Variants in PLEKHH1 observed in about 807,000 individuals in gnomAD.
PLEKHH1 encodes the protein pleckstrin homology domain-containing family H member 1.
A neutral mutation model predicts 160.0 loss-of-function variants in PLEKHH1; 104 were observed. That is an observed-to-expected ratio of 0.65 (90% confidence interval 0.55 to 0.76). The LOEUF (loss-of-function observed/expected upper bound fraction) is 0.76. Among genes scored for constraint, PLEKHH1 ranks in the 30% least tolerant of loss-of-function variants. PLEKHH1 has a pLI of 0.00. For missense variants in PLEKHH1, 1,427 were observed against 1,724.1 expected (o/e 0.83, Z 3.05); for synonymous variants, 619 against 678.4 (o/e 0.91, Z 1.36).
chr14:67,569,728 T>C (rs2273595), intron 8 of PLEKHH1, 193 bp from the exon 9 acceptor site: 228,029 of 600,562 alleles, frequency 0.38, 45,923 homozygotes, highest in Non-Finnish European at 0.42. Flanking sequence ...TTGTGAGGGA[T>C]CCTTTACCAC....
intron 5 of PLEKHH1, 29 bp from the exon 6 acceptor site, chr14:67,561,925 C>T (rs1322186304): frequency 6.5e-7 from 1 of 1,541,576 alleles, no homozygotes. Flanking sequence ...GGCTGGGTGT[C>T]CTAAATCTTC....
chr14:67,542,985 A>G (rs754679419), intron 2 of PLEKHH1, among the ~76,000 whole-genome samples: 5 of 152,220 alleles, frequency 3.3e-5, no homozygotes, highest in Admixed American at 6.5e-5. Flanking sequence ...TGCTGGGATT[A>G]CAGACATGAG....
At chr14:67,560,316 C>T (rs61988249) in intron 5 of PLEKHH1, among the ~76,000 whole-genome samples, 1,659 of 152,258 alleles carry the variant, frequency 0.011, 14 homozygotes, top group Non-Finnish European at 0.015. Context: ...AGGGAACCAC[C>T]GTGCCCTGCT....
chr14:67,585,681 G>A, intron 27 of PLEKHH1, 27 bp downstream of exon 27: 2 of 1,440,976 alleles, frequency 1.4e-6, no homozygotes, highest in Non-Finnish European at 1.9e-6. Context: ...GCTGCTCCCT[G>A]ACCCCTCCTC....
chr14:67,562,189 A>G lies in PLEKHH1; in HGVS notation c.558A>G (p.Ala186=). Reference sequence around the variant, plus strand: ...TGCTGGTGCCCCCCTACGGAGCTGCAGAGCAGGATTCTGTCCCTTCAGAGC... The same window carrying G: ...TGCTGGTGCCCCCCTACGGAGCTGCGGAGCAGGATTCTGTCCCTTCAGAGC... ...RKLLVPPYGA[A]EQDSVPSEPG... The change falls in exon 7 of 29, where the codon GCA becomes GCG. Residue 186 remains alanine, a synonymous_variant. Coordinates refer to ENST00000329153, the MANE Select transcript of PLEKHH1 (RefSeq NM_020715.3). The G allele has an allele frequency of 6.2e-7, 1 of 1,611,628 alleles. No homozygotes were observed. Among genetic ancestry groups the G allele is most frequent in the Non-Finnish European group, 8.5e-7 (1 of 1,178,822 alleles).
At chr14:67,567,715 A>G (rs57291924) in intron 7 of PLEKHH1, among the ~76,000 whole-genome samples, 3,246 of 152,014 alleles carry the variant, frequency 0.021, 113 homozygotes, top group African/African-American at 0.074. Flanking sequence ...CTGGGATGAC[A>G]CCCTGATAGG....
chr14:67,569,029 C>A, intron 7 of PLEKHH1, 109 bp from the exon 8 acceptor site: 1 of 668,118 alleles, frequency 1.5e-6, no homozygotes, highest in Non-Finnish European at 2.6e-6. Context: ...AGTCACTGCC[C>A]CCCACAGGTC....
intron 7 of PLEKHH1, among the ~76,000 whole-genome samples, chr14:67,563,109 C>T (rs2034918401): frequency 6.6e-6 from 1 of 152,234 alleles, no homozygotes; most frequent in African/African-American, 2.4e-5. Flanking sequence ...CTGTCATTTC[C>T]TGAGTGCTCA....
chr14:67,579,392 T>G, intron 21 of PLEKHH1, 81 bp downstream of exon 21: 1 of 1,142,964 alleles, frequency 8.7e-7, no homozygotes, highest in Non-Finnish European at 1.2e-6. Flanking sequence ...AGGCTCAGGC[T>G]TGGCAGATTG....
intron 9 of PLEKHH1, 60 bp from the exon 10 acceptor site, chr14:67,571,692 G>A: frequency 6.4e-7 from 1 of 1,569,538 alleles, no homozygotes; most frequent in South Asian, 1.1e-5. Flanking sequence ...GCAAGCTGCA[G>A]GGTTGGGAGA....
intron 15 of PLEKHH1, 51 bp downstream of exon 15, chr14:67,575,523 CAT>C: frequency 8.9e-7 from 1 of 1,124,258 alleles, no homozygotes; most frequent in Non-Finnish European, 1.3e-6. Context: ...CCCCGAAGCA[CAT>C]GACTGCCACT....
intron 2 of PLEKHH1, among the ~76,000 whole-genome samples, chr14:67,553,614 T>G (rs113908786): frequency 6.6e-6 from 1 of 152,234 alleles, no homozygotes; most frequent in African/African-American, 2.4e-5. Flanking sequence ...GGAAGGGTTA[T>G]GCAGTACCAA....
chr14:67,533,642 T>C (rs72721024), intron 1 of PLEKHH1: 27,303 of 151,988 alleles, frequency 0.18, 2,585 homozygotes, highest in Admixed American at 0.19. Flanking sequence ...GTACCTGGAC[T>C]TGGGGATCGG....
At chr14:67,585,329 C>T in intron 26 of PLEKHH1, 1 of 498,734 alleles carries the variant, frequency 2.0e-6, no homozygotes, top group East Asian at 3.7e-5. Context: ...AGAATGATCG[C>T]CTCTGCCTTT....
chr14:67,543,875 A>T (rs2034072676), intron 2 of PLEKHH1, among the ~76,000 whole-genome samples: 1 of 152,196 alleles, frequency 6.6e-6, no homozygotes, highest in African/African-American at 2.4e-5. Context: ...AAAAAGTAAG[A>T]AAAGTCCTCA....
intron 5 of PLEKHH1, 22 bp from the exon 6 acceptor site, chr14:67,561,932 C>A: frequency 6.4e-7 from 1 of 1,562,358 alleles, no homozygotes; most frequent in Non-Finnish European, 8.8e-7. Context: ...TGTCCTAAAT[C>A]TTCATTTTTC....
At chr14:67,581,813 C>A in intron 23 of PLEKHH1, 1 of 423,368 alleles carries the variant, frequency 2.4e-6, no homozygotes, top group Non-Finnish European at 4.3e-6. Flanking sequence ...ACCAGATTTC[C>A]CTTACTAAAT....
chr14:67,562,087 G>A (rs773136217), intron 6 of PLEKHH1, 50 bp from the exon 7 acceptor site: 1 of 1,602,388 alleles, frequency 6.2e-7, no homozygotes, highest in East Asian at 2.2e-5. Flanking sequence ...GGTGGGTATG[G>A]GGCTGAGCTA....
At chr14:67,567,138 T>TTGTGTTC (rs1566744482) in intron 7 of PLEKHH1, among the ~76,000 whole-genome samples, 1 of 151,890 alleles carries the variant, frequency 6.6e-6, no homozygotes, top group African/African-American at 2.4e-5. Flanking sequence ...GCATGATCAC[T>TTGTGTTC]CGTGTTCCGT....
Sources: gnomAD v4.1 joint callset for allele counts (sites outside exome capture counted in the v4.1 genomes callset) on GRCh38, gnomAD v4.1.1 for gene constraint, MANE v1.5 for transcripts, NCBI Gene and HGNC (gene_info 2026-07-23, HGNC 2026-07-21) for gene names.